The following PLPP4 variants were observed in gnomAD, a reference collection of about 807,000 sequenced individuals.
PLPP4 encodes phospholipid phosphatase 4.
A neutral mutation model predicts 32.2 loss-of-function variants in PLPP4; 20 were observed. The observed-to-expected ratio is 0.62, with a 90% CI of 0.44 to 0.90. The LOEUF is 0.90. PLPP4 is among the 40% of genes least tolerant of loss of function. The probability of loss-of-function intolerance (pLI) is 0.00; values close to 1 mark genes in which losing one functional copy is unlikely to be tolerated. For missense variants in PLPP4, 257 were observed against 353.1 expected (o/e 0.73, Z 2.18); for synonymous variants, 127 against 133.0 (o/e 0.95, Z 0.31).
At chr10:120,459,198 G>A (rs969148862) in intron 1 of PLPP4, among the ~76,000 whole-genome samples, 3 of 152,176 alleles carry the variant, frequency 2.0e-5, no homozygotes, top group African/African-American at 7.2e-5. Context: ...TTTATGTTCT[G>A]TTCTCTGAAG....
chr10:120,591,266 C>T lies in PLPP4; in HGVS notation c.*1764C>T, dbSNP rs1157825991. On this transcript the variant is annotated 3_prime_UTR_variant, in exon 7 of 7. Transcript: ENST00000398250. ...TACCACTGACTATGCTCCATGAGCC[C>T]CAGTGCAGCCCTCTCCAGCCCTGGT... Among the ~76,000 whole-genome samples, 1 of 152,096 alleles carries T rather than the reference C, an allele frequency of 6.6e-6. No homozygotes were observed. The highest frequency in any genetic ancestry group is 2.4e-5 in the African/African-American group (1 of 41,404).
chr10:120,501,505 G>T (rs1353782334), intron 1 of PLPP4, among the ~76,000 whole-genome samples: 1 of 152,128 alleles, frequency 6.6e-6, no homozygotes. Context: ...ACTCTGTAAG[G>T]TGTGTCTATT....
At chr10:120,563,151 A>C (rs2134016420) in intron 5 of PLPP4, among the ~76,000 whole-genome samples, 1 of 152,314 alleles carries the variant, frequency 6.6e-6, no homozygotes, top group African/African-American at 2.4e-5. Context: ...AGTCAGGAGA[A>C]TCGCTTGAAG....
chr10:120,546,680 C>A (rs966219983), intron 5 of PLPP4, among the ~76,000 whole-genome samples: 1 of 152,190 alleles, frequency 6.6e-6, no homozygotes, highest in Admixed American at 6.5e-5. Flanking sequence ...CTATAGCCTA[C>A]CCTGCCTGGC....
intron 1 of PLPP4, among the ~76,000 whole-genome samples, chr10:120,464,824 C>G (rs1173120180): frequency 6.6e-6 from 1 of 152,228 alleles, no homozygotes; most frequent in Non-Finnish European, 1.5e-5. Flanking sequence ...CAGGCACCCT[C>G]TCAGCCCATC....
At chr10:120,457,644 C>A (rs890869072) in intron 1 of PLPP4, among the ~76,000 whole-genome samples, 1 of 152,172 alleles carries the variant, frequency 6.6e-6, no homozygotes, top group African/African-American at 2.4e-5. Flanking sequence ...ACCACCTGCC[C>A]GGGGGATCCA....
chr10:120,470,779 C>T (rs78925911), intron 1 of PLPP4, among the ~76,000 whole-genome samples: 1 of 151,954 alleles, frequency 6.6e-6, no homozygotes, highest in Admixed American at 6.6e-5. Context: ...CCCCCCCGTA[C>T]TCACCCCACT....
upstream of PLPP4, chr10:120,457,220 C>G (rs1589694362): frequency 2.6e-6 from 3 of 1,149,948 alleles, no homozygotes; most frequent in East Asian, 1.0e-4. Context: ...CCCTCGCCTC[C>G]CAGGGTCTGG....
intron 1 of PLPP4, among the ~76,000 whole-genome samples, chr10:120,473,020 C>G (rs1251538971): frequency 6.6e-6 from 1 of 152,148 alleles, no homozygotes; most frequent in Non-Finnish European, 1.5e-5. Flanking sequence ...TCCCTATCAT[C>G]TTTTAACATA....
At chr10:120,504,942 T>C (rs967032966) in intron 2 of PLPP4, among the ~76,000 whole-genome samples, 9 of 152,222 alleles carry the variant, frequency 5.9e-5, no homozygotes, top group South Asian at 2.1e-4. Context: ...CAAGCACCCA[T>C]AGAGCTGGTG....
intron 5 of PLPP4, among the ~76,000 whole-genome samples, chr10:120,571,491 T>C (rs1848941448): frequency 6.6e-6 from 1 of 152,142 alleles, no homozygotes; most frequent in African/African-American, 2.4e-5. Context: ...GTAAAATGCT[T>C]GTTTTCTTTG....
At position 120,589,469 on chromosome 10, in the gene PLPP4, G is replaced by A; in HGVS notation, c.783G>A (p.Leu261=). The A allele has an allele frequency of 1.2e-6, 2 of 1,614,174 alleles. No individual in the cohort carries two copies. Among genetic ancestry groups the A allele is most frequent in the Non-Finnish European group, 1.7e-6 (2 of 1,180,048 alleles). The change falls in exon 7 of 7, where the codon TTG becomes TTA. Residue 261 remains leucine, a synonymous_variant. Coordinates refer to ENST00000398250, the MANE Select transcript of PLPP4 (RefSeq NM_001030059.3). ...CCACAGCTGACAGCGCACCCAGCTT[G>A]CCTCTGGAGGGGATCACCGAAGGCC... ...ERPTADSAPS[L]PLEGITEGPV is the part of the protein sequence containing the mutation.
chr10:120,542,660 A>G (rs1450699809), intron 5 of PLPP4, among the ~76,000 whole-genome samples: 2 of 152,214 alleles, frequency 1.3e-5, no homozygotes. Flanking sequence ...GTGACTTTGT[A>G]AAAGTATGTT....
At chr10:120,461,836 T>A (rs1393489871) in intron 1 of PLPP4, among the ~76,000 whole-genome samples, 14 of 152,262 alleles carry the variant, frequency 9.2e-5, no homozygotes, top group Non-Finnish European at 1.5e-5. Context: ...GCATTTGTGA[T>A]AGTCATTTCC....
In PLPP4 at chr10:120,559,619, A is replaced by AT. The variant is rs112111375; in HGVS notation, c.446-15502dup. Among the ~76,000 whole-genome samples, 1,330 of 149,046 alleles carry AT rather than the reference A, an allele frequency of 8.9e-3. 25 individuals are homozygous for AT. Among genetic ancestry groups the AT allele is most frequent in the African/African-American group, 0.031 (1,252 of 40,526 alleles). On this transcript the variant is annotated intron_variant, in intron 5 of 6. Transcript: ENST00000398250. ...ACTGTGAGGGTGCACTTATATGTGG[A>AT]TTTTTTTTTTCAATGAATATATTGA... is the stretch of plus-strand genomic sequence containing the variant.
intron 5 of PLPP4, among the ~76,000 whole-genome samples, chr10:120,523,374 G>A (rs1369800452): frequency 2.6e-5 from 4 of 151,782 alleles, no homozygotes; most frequent in East Asian, 1.9e-4. Context: ...CAGAACACCC[G>A]TTTGGAGTTG....
Position 120,457,367 on chromosome 10 carries a change from T to C in PLPP4, c.56+6T>C. 1 of 1,530,606 alleles carries C rather than the reference T, an allele frequency of 6.5e-7. No homozygotes were observed. The highest frequency in any genetic ancestry group is 8.8e-7 in the Non-Finnish European group (1 of 1,137,216). The allele number at this position is 1,530,606 out of a possible 1,614,324, so 94.8% of individuals were successfully genotyped here. ...CTGCTCTTCGGAGTCTTCGTGTAAG[T>C]AGTGGCGCACCGCGGGCAGGGCGCA... On this transcript the variant is annotated splice_donor_region_variant and intron_variant, in intron 1 of 6. Coordinates refer to ENST00000398250, the MANE Select transcript of PLPP4 (RefSeq NM_001030059.3).
chr10:120,567,635 G>A (rs12243885), intron 5 of PLPP4, among the ~76,000 whole-genome samples: 6,705 of 152,268 alleles, frequency 0.044, 205 homozygotes, highest in Middle Eastern at 0.065. Context: ...AGGGAGATCC[G>A]GAGCCCAAAG....
At chr10:120,496,119 A>G (rs1171568542) in intron 1 of PLPP4, among the ~76,000 whole-genome samples, 1 of 152,212 alleles carries the variant, frequency 6.6e-6, no homozygotes, top group East Asian at 1.9e-4. Context: ...GAAGTCTGTC[A>G]TCCTAGTACT....
Sources: gnomAD v4.1 joint callset for allele counts (sites outside exome capture counted in the v4.1 genomes callset) on GRCh38, gnomAD v4.1.1 for gene constraint, MANE v1.5 for transcripts, NCBI Gene and HGNC (gene_info 2026-07-23, HGNC 2026-07-21) for gene names.